The following PUM1 variants were observed in gnomAD, a reference collection of about 807,000 sequenced individuals.
PUM1 encodes pumilio RNA binding family member 1, also known as pumilio homolog 1.
Under a neutral mutation model 131.8 loss-of-function variants are expected in PUM1, and 13 were observed. The observed-to-expected ratio is 0.10, with a 90% CI of 0.06 to 0.16. PUM1 has a LOEUF of 0.16. Ranked by LOEUF, PUM1 falls within the 10% of genes least tolerant of loss-of-function variation. The pLI is 1.00. For synonymous variants in PUM1, 509 were observed against 556.5 expected (o/e 0.91, Z 1.20); for missense variants, 961 against 1,512.4 (o/e 0.64, Z 6.05).
At chr1:30,968,595 T>C (rs1640725949) in intron 10 of PUM1, 103 bp from the exon 11 acceptor site, 1 of 1,256,534 alleles carries the variant, frequency 8.0e-7, no homozygotes, top group African/African-American at 1.5e-5. Context: ...TTGTAAATTG[T>C]TTCCCTATAA....
chr1:31,065,528 A>G, intron 1 of PUM1, 88 bp downstream of exon 1: 1 of 1,447,460 alleles, frequency 6.9e-7, no homozygotes, highest in Non-Finnish European at 9.2e-7. Context: ...TCACCCCCAC[A>G]ACCACTCTCA....
At chr1:31,020,654 T>G (rs1190013057) in intron 3 of PUM1, among the ~76,000 whole-genome samples, 1 of 152,112 alleles carries the variant, frequency 6.6e-6, no homozygotes, top group East Asian at 1.9e-4. Flanking sequence ...GACCAAATAC[T>G]CTAATAAACC....
At chr1:30,955,184 G>A (rs779793484) in intron 14 of PUM1, among the ~76,000 whole-genome samples, 3 of 151,872 alleles carry the variant, frequency 2.0e-5, no homozygotes, top group South Asian at 2.1e-4. Flanking sequence ...GGCCAGGGAC[G>A]GTGGCTCATG....
Position 30,964,776 on chromosome 1 carries a change from G to A in PUM1, c.2221C>T (p.Pro741Ser), listed in dbSNP as rs1436194510. 1 of 1,614,060 alleles carries A rather than the reference G, an allele frequency of 6.2e-7. No individual in the cohort carries two copies. Among genetic ancestry groups the A allele is most frequent in the African/African-American group, 1.3e-5 (1 of 74,930 alleles). The change falls in exon 14 of 22, where the codon CCT becomes TCT. Residue 741 changes from proline (P) to serine (S), a missense_variant. By Grantham distance (74) the Pro-to-Ser change is moderately conservative (BLOSUM62 -1). This residue lies in a region of PUM1 where 117 missense variants were observed against 200.7 expected (regional missense o/e 0.58). Coordinates refer to ENST00000426105, the MANE Select transcript of PUM1 (RefSeq NM_001020658.2). ...GGGAGAGGCATGCCCACGGGTCCAG[G>A]AGAGGAGGAAAAGCTAAGGCCGTTA... Reference protein sequence around the residue: ...FYNGLSFSSSPGPVGMPLPSQ... With the variant: ...FYNGLSFSSSSGPVGMPLPSQ...
At position 30,933,117 on chromosome 1, in the gene PUM1, C is replaced by G. The variant is rs2124368496; in HGVS notation, c.*94G>C. 1.4e-6 allele frequency: 2 copies of G among 1,447,716 alleles called. No homozygotes were observed. Among genetic ancestry groups the G allele is most frequent in the Non-Finnish European group, 1.8e-6 (2 of 1,083,120 alleles). 89.7% of individuals were successfully genotyped at this position (1,447,716 alleles called of 1,614,324 possible). A position where few individuals can be genotyped will look rare whatever the true frequency, so the allele number is the denominator to read the frequency against. ...TCCTGGAGCAACCACTTGCCCGTCT[C>G]AGACTCTACACTAGAACATTTCTGG... On this transcript the variant is annotated 3_prime_UTR_variant, in exon 22 of 22. Coordinates refer to ENST00000426105, the MANE Select transcript of PUM1 (RefSeq NM_001020658.2).
intron 3 of PUM1, among the ~76,000 whole-genome samples, chr1:31,018,011 TGA>T (rs968413397): frequency 7.9e-5 from 12 of 152,316 alleles, no homozygotes; most frequent in African/African-American, 2.9e-4. Flanking sequence ...AAATTGCTGC[TGA>T]GAGACTCTTT....
intron 2 of PUM1, among the ~76,000 whole-genome samples, chr1:31,038,958 T>TTTTATATATATATATA (rs1553152631): frequency 2.3e-5 from 1 of 43,984 alleles, no homozygotes; most frequent in African/African-American, 1.7e-4. Flanking sequence ...TTTTAAAATT[T>TTTTATATATATATATA]TATATATATA....
In PUM1 at chr1:31,026,181, A is replaced by G. The variant is rs569101977; in HGVS notation, c.432+2615T>C. On this transcript the variant is annotated intron_variant, in intron 3 of 21. Coordinates refer to ENST00000426105, the MANE Select transcript of PUM1 (RefSeq NM_001020658.2). The stretch of plus-strand genomic sequence containing the variant: ...TAAGGCAGGAGAACTGCTTGAACCC[A>G]GGAGGCGGAGGTTACAGTGAGCCGA... Among the ~76,000 whole-genome samples the G allele has an allele frequency of 6.1e-4, 92 of 151,922 alleles. No homozygotes were observed. In the East Asian group the frequency reaches 0.017, roughly 29 times the overall value.
At chr1:31,045,143 CTT>C (rs796248289) in intron 2 of PUM1, among the ~76,000 whole-genome samples, 3 of 139,052 alleles carry the variant, frequency 2.2e-5, no homozygotes. Context: ...TGTAAAGCTG[CTT>C]TTTTTTTTTT....
intron 5 of PUM1, among the ~76,000 whole-genome samples, chr1:30,998,996 T>C (rs746592426): frequency 2.6e-5 from 4 of 151,352 alleles, no homozygotes; most frequent in Non-Finnish European, 4.4e-5. Context: ...GGTGTTTTTG[T>C]TTTTGTTTTT....
At chr1:31,056,455 G>C (rs528676396) in intron 2 of PUM1, among the ~76,000 whole-genome samples, 55 of 151,528 alleles carry the variant, frequency 3.6e-4, no homozygotes, top group Non-Finnish European at 5.2e-4. Flanking sequence ...TAATTTTTTT[G>C]TATTATTAGT....
At chr1:30,961,346 CAAA>C (rs11325891) in intron 14 of PUM1, among the ~76,000 whole-genome samples, 6 of 87,896 alleles carry the variant, frequency 6.8e-5, no homozygotes, top group Admixed American at 2.6e-4. Flanking sequence ...TTAGTTTCTA[CAAA>C]AAAAAAAAAA....
At chr1:30,933,370 A>G (rs1257886670) in intron 21 of PUM1, 28 bp from the exon 22 acceptor site, 9 of 1,604,418 alleles carry the variant, frequency 5.6e-6, no homozygotes, top group Non-Finnish European at 7.7e-6. Context: ...TCTGTGTTAC[A>G]TGGCCTGAGA....
chr1:31,054,553 A>AC (rs1298233835), intron 2 of PUM1, among the ~76,000 whole-genome samples: 1 of 150,468 alleles, frequency 6.6e-6, no homozygotes, highest in African/African-American at 2.5e-5. Flanking sequence ...AAAAAAAAAA[A>AC]AAAAAGGCCC....
chr1:30,952,495 A>G (rs988648948), intron 15 of PUM1, 132 bp from the exon 16 acceptor site: 2 of 1,328,780 alleles, frequency 1.5e-6, no homozygotes, highest in African/African-American at 3.0e-5. Context: ...CATGCACACA[A>G]TAAACCAAAC....
intron 6 of PUM1, among the ~76,000 whole-genome samples, chr1:30,993,156 G>A (rs957040546): frequency 6.6e-5 from 10 of 152,072 alleles, no homozygotes; most frequent in Admixed American, 5.9e-4. Flanking sequence ...TTTACATGTC[G>A]TTGGTATTAC....
chr1:30,991,876 T>C lies in PUM1; in HGVS notation c.1158+514A>G, dbSNP rs530495234. On this transcript the variant is annotated intron_variant, in intron 7 of 21. Coordinates refer to ENST00000426105, the MANE Select transcript of PUM1 (RefSeq NM_001020658.2). ...GGTAGATTTTAAGTTGAATGATTTG[T>C]GTGTGTGGTTTCCTCTGATCGCATT... Among the ~76,000 whole-genome samples, 8 of 152,328 alleles carry C rather than the reference T, an allele frequency of 5.3e-5. No individual in the cohort carries two copies. In the East Asian group the frequency reaches 1.5e-3, roughly 29 times the overall value.
At position 30,941,187 on chromosome 1, in the gene PUM1, C is replaced by G; in HGVS notation, c.3206G>C (p.Gly1069Ala). 1 of 1,613,742 alleles carries G rather than the reference C, an allele frequency of 6.2e-7. No individual in the cohort carries two copies. Among genetic ancestry groups the G allele is most frequent in the Non-Finnish European group, 8.5e-7 (1 of 1,179,772 alleles). Residue 1069 changes from glycine (G) to alanine (A), a missense_variant, in exon 20 of 22, where the codon GGC becomes GCC. Physicochemically the swap from Gly to Ala is moderately conservative, Grantham distance 60. This residue lies in a region of PUM1 where 178 missense variants were observed against 327.5 expected (regional missense o/e 0.54). Coordinates refer to ENST00000426105, the MANE Select transcript of PUM1 (RefSeq NM_001020658.2). ...GTGCTGACTCAATACAAGTACATTG[C>G]CTCGGATTTCTGCTACAATTTTGCT... ...DKSKIVAEIR[G>A]NVLVLSQHKF... is the part of the protein sequence containing the mutation.
intron 7 of PUM1, among the ~76,000 whole-genome samples, chr1:30,988,572 G>C (rs760906611): frequency 6.6e-6 from 1 of 152,200 alleles, no homozygotes; most frequent in Non-Finnish European, 1.5e-5. Context: ...AAGATAAAAA[G>C]AGCAGAATGT....
Sources: allele counts gnomAD v4.1 joint callset (sites outside exome capture counted in the v4.1 genomes callset), GRCh38; gene constraint gnomAD v4.1.1; regional missense constraint gnomAD v4.1.1; transcripts MANE v1.5; gene names NCBI Gene and HGNC (gene_info 2026-07-23, HGNC 2026-07-21).